UGT1A3: variants seen among roughly 807,000 people sequenced by gnomAD.
UGT1A3 encodes the protein UDP-glucuronosyltransferase 1A3.
UGT1A3 carries 31 observed loss-of-function variants against 41.0 expected under a neutral mutation model. The ratio of observed to expected loss-of-function variants is 0.76; its 90% CI spans 0.57 to 1.02. The LOEUF (loss-of-function observed/expected upper bound fraction) is 1.02. UGT1A3 is among the 50% of genes least tolerant of loss of function. The probability of loss-of-function intolerance (pLI) is 0.00; values close to 1 mark genes in which losing one functional copy is unlikely to be tolerated. For synonymous variants in UGT1A3, 262 were observed against 257.6 expected, an observed-to-expected ratio of 1.02 and a Z score of -0.17; for missense variants, 737 against 671.0, an observed-to-expected ratio of 1.10 and a Z score of -1.09.
At chr2:233,738,878 T>C (rs1427489972) in intron 1 of UGT1A3, 3 of 152,250 alleles carry the variant, frequency 2.0e-5, no homozygotes, top group Admixed American at 6.5e-5. Flanking sequence ...CTCCAGGGCA[T>C]GTCAGAGACC....
intron 1 of UGT1A3, among the ~76,000 whole-genome samples, chr2:233,745,254 T>TA (rs1247734907): frequency 2.6e-5 from 4 of 151,822 alleles, no homozygotes; most frequent in African/African-American, 9.7e-5. Flanking sequence ...TCGAAACCAT[T>TA]AAGACTTGCA....
intron 1 of UGT1A3, chr2:233,755,187 A>G: frequency 1.6e-5 from 19 of 1,182,426 alleles, no homozygotes; most frequent in Non-Finnish European, 2.1e-5. Flanking sequence ...GTGCCACTTG[A>G]GCGCCAGCTT....
At chr2:233,734,118 T>A (rs2078484158) in intron 1 of UGT1A3, among the ~76,000 whole-genome samples, 1 of 152,034 alleles carries the variant, frequency 6.6e-6, no homozygotes, top group Non-Finnish European at 1.5e-5. Context: ...ATAATAATAA[T>A]AATAAAAAGA....
At chr2:233,754,978 CG>C (rs1333953486) in intron 1 of UGT1A3, 1 of 1,298,378 alleles carries the variant, frequency 7.7e-7, no homozygotes, top group Non-Finnish European at 1.0e-6. Context: ...CTGAAGACCT[CG>C]GCGGGGTCAC....
chr2:233,746,806 G>C (rs1247555019), intron 1 of UGT1A3, among the ~76,000 whole-genome samples: 1 of 151,794 alleles, frequency 6.6e-6, no homozygotes, highest in African/African-American at 2.4e-5. Flanking sequence ...GCGTGAATGT[G>C]GATTGCCTAC....
intron 1 of UGT1A3, chr2:233,755,460 GCT>G (rs1695928623): frequency 3.6e-6 from 1 of 281,062 alleles, no homozygotes. Flanking sequence ...GACTGGCCCT[GCT>G]CTCTGTGAGG....
At chr2:233,746,495 C>G (rs536618082) in intron 1 of UGT1A3, among the ~76,000 whole-genome samples, 12 of 151,904 alleles carry the variant, frequency 7.9e-5, no homozygotes, top group Admixed American at 4.6e-4. Context: ...ACATGTCACT[C>G]TTTAGTAGCC....
In UGT1A3 at chr2:233,739,739, C is replaced by T. The variant is rs186719753; in HGVS notation, c.867+9746C>T. 9.1e-3 allele frequency among the ~76,000 whole-genome samples: 1,388 copies of T among 152,094 alleles called. 31 individuals carry two copies. Among genetic ancestry groups the T allele is most frequent in the African/African-American group, 0.032 (1,304 of 41,394 alleles). ...GGACTTGACTTGTCTCAGATGAGAC[C>T]TTGGACTATGGACTTTTGAGCTAGT... On this transcript the variant is annotated intron_variant, in intron 1 of 4. Coordinates refer to ENST00000482026, the MANE Select transcript of UGT1A3 (RefSeq NM_019093.4).
At chr2:233,747,122 G>A in intron 1 of UGT1A3, 1 of 1,481,738 alleles carries the variant, frequency 6.7e-7, no homozygotes, top group Non-Finnish European at 9.1e-7. Flanking sequence ...GATTTGCTAA[G>A]TGGCTCAGTG....
In UGT1A3 at chr2:233,729,094, G is replaced by T; in HGVS notation, c.-33G>T. On this transcript the variant is annotated 5_prime_UTR_variant, in exon 1 of 5. Coordinates refer to ENST00000482026, the MANE Select transcript of UGT1A3 (RefSeq NM_019093.4). ...GCAAATGTAGCAGGCACAGCGTGGGGTGGACAGTCAGCTGTCCGTGTCTTC... is the reference window on the plus strand; with the variant it reads ...GCAAATGTAGCAGGCACAGCGTGGGTTGGACAGTCAGCTGTCCGTGTCTTC... 16 of 1,612,652 alleles carry T rather than the reference G, an allele frequency of 9.9e-6. No homozygotes were observed. The highest frequency in any genetic ancestry group is 1.4e-5 in the Non-Finnish European group (16 of 1,179,916).
rs2077948862 is a variant in UGT1A3 at position 233,729,916 on chromosome 2, G to A, written c.790G>A (p.Asp264Asn). The A allele has an allele frequency of 6.2e-7, 1 of 1,614,016 alleles. No homozygotes were observed. The highest frequency in any genetic ancestry group is 1.3e-5 in the African/African-American group (1 of 75,024). The change falls in exon 1 of 5, where the codon GAC (aspartate) becomes AAC (asparagine). Residue 264 changes from aspartate to asparagine, a missense_variant. Transcript: ENST00000482026. ...VWLFRGDFVM[D>N]YPRPIMPNMV... ...GCTGTTCCGAGGGGACTTTGTGATG[G>A]ACTACCCCAGGCCAATCATGCCCAA...
In UGT1A3 at chr2:233,772,387, C is replaced by T; in HGVS notation, c.1433C>T (p.Ala478Val). The stretch of plus-strand genomic sequence containing the variant: ...AAGGGCGCGCCACACCTGCGCCCCG[C>T]AGCCCACGACCTCACCTGGTACCAG... ...RHKGAPHLRPAAHDLTWYQYH... is the reference protein window; with the variant it reads ...RHKGAPHLRPVAHDLTWYQYH... Residue 478 changes from alanine to valine, a missense_variant, in exon 5 of 5, where the codon GCA (alanine) becomes GTA (valine). Physicochemically the swap from Ala to Val is moderately conservative, Grantham distance 64. Coordinates refer to ENST00000482026, the MANE Select transcript of UGT1A3 (RefSeq NM_019093.4). The T allele has an allele frequency of 6.2e-7, 1 of 1,614,274 alleles. No homozygotes were observed. The highest frequency in any genetic ancestry group is 1.1e-5 in the South Asian group (1 of 91,092).
At chr2:233,744,762 A>G (rs1310047679) in intron 1 of UGT1A3, among the ~76,000 whole-genome samples, 12 of 151,872 alleles carry the variant, frequency 7.9e-5, no homozygotes, top group Non-Finnish European at 4.4e-5. Flanking sequence ...AAATAGTTTT[A>G]ACTTTGCAAA....
At chr2:233,757,561 T>TATATATATATATATATATATATATAC (rs71058576) in intron 1 of UGT1A3, among the ~76,000 whole-genome samples, 1 of 121,178 alleles carries the variant, frequency 8.3e-6, no homozygotes, top group Non-Finnish European at 1.7e-5. Context: ...TATATATATA[T>TATATATATATATATATATATATATAC]GTATATATGA....
chr2:233,761,167 G>C, intron 1 of UGT1A3: 1 of 1,614,098 alleles, frequency 6.2e-7, no homozygotes. Flanking sequence ...TATTGGAGTG[G>C]GACTTTTACA....
At chr2:233,761,289 C>G in intron 1 of UGT1A3, 1 of 1,541,658 alleles carries the variant, frequency 6.5e-7, no homozygotes, top group Non-Finnish European at 8.8e-7. Context: ...ATTTTTGACT[C>G]CTAGGTTTGA....
At chr2:233,737,721 C>CA (rs1559381748) in intron 1 of UGT1A3, among the ~76,000 whole-genome samples, 2 of 151,324 alleles carry the variant, frequency 1.3e-5, no homozygotes, top group Non-Finnish European at 3.0e-5. Flanking sequence ...CCAACACCTC[C>CA]TTTTTTTTTC....
intron 1 of UGT1A3, chr2:233,741,484 T>C (rs1691677758): frequency 6.6e-6 from 1 of 151,932 alleles, no homozygotes. Flanking sequence ...CCTCGTCTGA[T>C]GTACAAAAAA....
At position 233,747,983 on chromosome 2, in the gene UGT1A3, C is replaced by G. The variant is rs539831908; in HGVS notation, c.867+17990C>G. ...TCAGCCATGCATCTGTGTGGCTGTT[C>G]CGAGGGGACTTTGTGATGGATTACC... On this transcript the variant is annotated intron_variant, in intron 1 of 4. Transcript: ENST00000482026. The G allele has an allele frequency of 4.2e-5, 67 of 1,613,418 alleles. 2 individuals are homozygous for G. In the African/African-American group the frequency reaches 7.6e-4, roughly 18 times the overall value.
Sources: gnomAD v4.1 joint callset for allele counts (sites outside exome capture counted in the v4.1 genomes callset) on GRCh38, gnomAD v4.1.1 for gene constraint, MANE v1.5 for transcripts, NCBI Gene and HGNC (gene_info 2026-07-23, HGNC 2026-07-21) for gene names.